KIF6: variants seen among roughly 807,000 people sequenced by gnomAD.
KIF6 encodes kinesin family member 6, also known as kinesin-like protein KIF6.
Under a neutral mutation model 112.7 loss-of-function variants are expected in KIF6, and 106 were observed. The ratio of observed to expected loss-of-function variants is 0.94; its 90% CI spans 0.80 to 1.11. The LOEUF is 1.11. Ranked by LOEUF, KIF6 falls within the 50% of genes least tolerant of loss-of-function variation. The pLI is 0.00. For missense variants in KIF6, 929 were observed against 964.0 expected, an observed-to-expected ratio of 0.96 and a Z score of 0.48; for synonymous variants, 339 against 339.9, an observed-to-expected ratio of 1.00 and a Z score of 0.03.
intron 13 of KIF6, among the ~76,000 whole-genome samples, chr6:39,508,721 G>A (rs1444283569): frequency 3.3e-5 from 5 of 152,126 alleles, no homozygotes; most frequent in Non-Finnish European, 5.9e-5. Context: ...CAAACAAAGC[G>A]GCAGGGAAGC....
At chr6:39,393,286 C>G (rs1464005557) in intron 15 of KIF6, among the ~76,000 whole-genome samples, 1 of 152,220 alleles carries the variant, frequency 6.6e-6, no homozygotes, top group East Asian at 1.9e-4. Flanking sequence ...TGCGTGGACT[C>G]TGGAGCCAAC....
At chr6:39,566,446 G>A (rs1314517184) in intron 10 of KIF6, among the ~76,000 whole-genome samples, 1 of 152,202 alleles carries the variant, frequency 6.6e-6, no homozygotes, top group East Asian at 1.9e-4. Flanking sequence ...GTGGAACTCT[G>A]TTATGGGTAA....
intron 13 of KIF6, among the ~76,000 whole-genome samples, 162 bp downstream of exon 13, chr6:39,539,841 A>G: frequency 6.6e-6 from 1 of 152,188 alleles, no homozygotes; most frequent in Admixed American, 6.6e-5. Flanking sequence ...CAGTTCAGTC[A>G]TCAGTTTGGG....
intron 7 of KIF6, among the ~76,000 whole-genome samples, chr6:39,593,758 G>T (rs1782080679): frequency 6.6e-6 from 1 of 152,140 alleles, no homozygotes; most frequent in Non-Finnish European, 1.5e-5. Context: ...CCCCATCCTT[G>T]ATTGGCTCGC....
intron 10 of KIF6, among the ~76,000 whole-genome samples, chr6:39,575,687 C>T (rs116047124): frequency 0.026 from 3,889 of 152,264 alleles, 173 homozygotes; most frequent in Admixed American, 0.13. Flanking sequence ...CCTGTCTCTC[C>T]ATTCTTAACA....
At chr6:39,603,195 AGTG>A (rs1561854976) in intron 6 of KIF6, among the ~76,000 whole-genome samples, 1 of 152,156 alleles carries the variant, frequency 6.6e-6, no homozygotes, top group African/African-American at 2.4e-5. Context: ...GATTGTAAAA[AGTG>A]ACTCAAAAAT....
At position 39,381,228 on chromosome 6, in the gene KIF6, TC is replaced by T. The variant is rs113300468; in HGVS notation, c.1861+4393del. Reference sequence around the variant, plus strand: ...CCTGATCCAACTTGCTCATCACCCTTCCCCACGACAAACCCAAACCGATCAC... The same window carrying T: ...CCTGATCCAACTTGCTCATCACCCTTCCCACGACAAACCCAAACCGATCAC... On this transcript the variant is annotated intron_variant, in intron 16 of 22. Transcript: ENST00000287152. 1.1e-3 allele frequency among the ~76,000 whole-genome samples: 165 copies of T among 152,092 alleles called. 2 individuals carry two copies. Among genetic ancestry groups the T allele is most frequent in the African/African-American group, 3.3e-3 (136 of 41,492 alleles).
intron 14 of KIF6, 28 bp downstream of exon 14, chr6:39,431,025 G>A: frequency 6.9e-7 from 1 of 1,440,990 alleles, no homozygotes; most frequent in Non-Finnish European, 9.7e-7. Flanking sequence ...AGCCTCGGAG[G>A]ACCAGCTGCT....
chr6:39,374,850 C>A (rs1211681223), intron 16 of KIF6, among the ~76,000 whole-genome samples: 1 of 152,162 alleles, frequency 6.6e-6, no homozygotes, highest in Non-Finnish European at 1.5e-5. Context: ...ACCATGTGAT[C>A]CAGCAACCTT....
intron 6 of KIF6, among the ~76,000 whole-genome samples, chr6:39,611,362 T>C (rs1342916472): frequency 6.6e-6 from 1 of 152,120 alleles, no homozygotes; most frequent in African/African-American, 2.4e-5. Flanking sequence ...TTTTGTAAGG[T>C]GGTAAGACAG....
At chr6:39,616,013 C>G (rs1783498578) in intron 5 of KIF6, among the ~76,000 whole-genome samples, 1 of 152,112 alleles carries the variant, frequency 6.6e-6, no homozygotes, top group African/African-American at 2.4e-5. Context: ...GTAAGGACAC[C>G]TAATACCTAT....
At chr6:39,607,145 C>G (rs1381741944) in intron 6 of KIF6, among the ~76,000 whole-genome samples, 1 of 152,098 alleles carries the variant, frequency 6.6e-6, no homozygotes, top group East Asian at 1.9e-4. Context: ...GAGATGAGAA[C>G]TTTAAAGATC....
intron 3 of KIF6, among the ~76,000 whole-genome samples, chr6:39,698,672 C>T (rs1022454571): frequency 1.3e-5 from 2 of 152,130 alleles, no homozygotes; most frequent in Admixed American, 1.3e-4. Context: ...AATAGGGTTT[C>T]CTAAGAAATA....
At chr6:39,671,479 T>C (rs1786814500) in intron 3 of KIF6, among the ~76,000 whole-genome samples, 1 of 152,188 alleles carries the variant, frequency 6.6e-6, no homozygotes, top group Non-Finnish European at 1.5e-5. Context: ...TCCTAGGCAT[T>C]GGTGCCTGAA....
chr6:39,414,399 T>A (rs1769745586), intron 15 of KIF6, among the ~76,000 whole-genome samples: 1 of 152,224 alleles, frequency 6.6e-6, no homozygotes, highest in Non-Finnish European at 1.5e-5. Context: ...TCCAAACCAC[T>A]GAAAATGATA....
chr6:39,560,408 A>G (rs1378635617), intron 10 of KIF6, among the ~76,000 whole-genome samples: 1 of 152,226 alleles, frequency 6.6e-6, no homozygotes, highest in African/African-American at 2.4e-5. Flanking sequence ...CAAGAATCCA[A>G]CTTGATAGAA....
Position 39,721,199 on chromosome 6 carries a change from C to T in KIF6, c.67-388G>A, listed in dbSNP as rs138860952. On this transcript the variant is annotated intron_variant, in intron 1 of 22. Transcript: ENST00000287152. The stretch of plus-strand genomic sequence containing the variant: ...ACTACAATCAATAAGCATTTCTGAG[C>T]ATTTACAAAATACCAGAGATAAAGG... 5.3e-5 allele frequency among the ~76,000 whole-genome samples: 8 copies of T among 152,262 alleles called. No homozygotes were observed. In the East Asian group the frequency reaches 1.5e-3, roughly 29 times the overall value.
intron 14 of KIF6, among the ~76,000 whole-genome samples, chr6:39,426,376 G>A (rs2150374036): frequency 6.6e-6 from 1 of 152,278 alleles, no homozygotes; most frequent in South Asian, 2.1e-4. Flanking sequence ...TCAGACTGGA[G>A]ACCAGAGCTT....
chr6:39,540,271 A>C (rs1778716282), intron 12 of KIF6, 50 bp from the exon 13 acceptor site: 2 of 1,160,070 alleles, frequency 1.7e-6, no homozygotes, highest in African/African-American at 3.1e-5. Flanking sequence ...TATAGTAATC[A>C]AAACACAAAT....
Sources: gnomAD v4.1 joint callset for allele counts (sites outside exome capture counted in the v4.1 genomes callset) on GRCh38, gnomAD v4.1.1 for gene constraint, MANE v1.5 for transcripts, NCBI Gene and HGNC (gene_info 2026-07-23, HGNC 2026-07-21) for gene names.